The following SGCD variants were observed in gnomAD, a reference collection of about 807,000 sequenced individuals.
SGCD encodes the protein sarcoglycan delta, also known as delta-sarcoglycan.
SGCD carries 18 observed loss-of-function variants against 36.6 expected under a neutral mutation model. The observed-to-expected ratio is 0.49, with a 90% CI of 0.34 to 0.73. The LOEUF is 0.73. Among genes scored for constraint, SGCD ranks in the 30% least tolerant of loss-of-function variants. The pLI is 0.01. For synonymous variants in SGCD, 133 were observed against 130.6 expected (o/e 1.02, Z -0.12); for missense variants, 387 against 346.7 (o/e 1.12, Z -0.92).
chr5:155,988,893 T>A (rs1485686964), intron 1 of SGCD, among the ~76,000 whole-genome samples: 2 of 152,194 alleles, frequency 1.3e-5, no homozygotes, highest in South Asian at 4.1e-4. Context: ...ATAACTATTA[T>A]AGTTTTTGAA....
intron 3 of SGCD, among the ~76,000 whole-genome samples, chr5:156,230,368 G>A (rs1325826517): frequency 6.6e-6 from 1 of 152,084 alleles, no homozygotes; most frequent in Non-Finnish European, 1.5e-5. Context: ...TGTCCCGCGG[G>A]GTATTCCCTC....
At chr5:156,428,133 T>A (rs1773756843) in intron 3 of SGCD, among the ~76,000 whole-genome samples, 1 of 152,206 alleles carries the variant, frequency 6.6e-6, no homozygotes, top group South Asian at 2.1e-4. Flanking sequence ...TTTTAATGTC[T>A]GGTAGAATTC....
chr5:155,903,296 T>C (rs1394319314), intron 1 of SGCD, among the ~76,000 whole-genome samples: 1 of 152,208 alleles, frequency 6.6e-6, no homozygotes, highest in Non-Finnish European at 1.5e-5. Flanking sequence ...CTTCCATGTA[T>C]TCTTGTACAA....
chr5:155,831,555 T>G, the SGCD span, among the ~76,000 whole-genome samples: 1 of 152,390 alleles, frequency 6.6e-6, no homozygotes, highest in South Asian at 2.1e-4. Context: ...AATTGCTTTG[T>G]GCCTTCCATT....
chr5:156,039,955 T>C (rs1759594809), intron 1 of SGCD, among the ~76,000 whole-genome samples: 1 of 152,094 alleles, frequency 6.6e-6, no homozygotes, highest in African/African-American at 2.4e-5. Flanking sequence ...TAAGTTACAG[T>C]GAGTGTCAGG....
At position 156,568,588 on chromosome 5, in the gene SGCD, A is replaced by G. The variant is rs563939605; in HGVS notation, c.295-20643A>G. The stretch of plus-strand genomic sequence containing the variant: ...CTAGCAAGTCACTCAGAGTGGCTAC[A>G]ACAGAATGGCATACTGTCCACACAC... On this transcript the variant is annotated intron_variant, in intron 4 of 8. Coordinates refer to ENST00000337851, the MANE Select transcript of SGCD (RefSeq NM_000337.6). Among the ~76,000 whole-genome samples, 7 of 152,336 alleles carry G rather than the reference A, an allele frequency of 4.6e-5. No individual in the cohort carries two copies. In the East Asian group the frequency reaches 1.4e-3, roughly 29 times the overall value.
At chr5:156,105,210 C>T (rs1761615995) in intron 1 of SGCD, among the ~76,000 whole-genome samples, 1 of 152,028 alleles carries the variant, frequency 6.6e-6, no homozygotes, top group Admixed American at 6.6e-5. Flanking sequence ...GTGTTTTAAA[C>T]AAAGAAGGAA....
At chr5:156,449,723 G>A (rs1753918951) in intron 3 of SGCD, among the ~76,000 whole-genome samples, 1 of 145,880 alleles carries the variant, frequency 6.9e-6, no homozygotes, top group East Asian at 2.0e-4. Flanking sequence ...ATAGCAACAG[G>A]CACCTGTAAT....
At chr5:156,225,032 C>A (rs1043100935) in intron 3 of SGCD, among the ~76,000 whole-genome samples, 1 of 152,030 alleles carries the variant, frequency 6.6e-6, no homozygotes, top group Non-Finnish European at 1.5e-5. Flanking sequence ...ACTCTTTGTA[C>A]CTATTTATCA....
intron 1 of SGCD, among the ~76,000 whole-genome samples, chr5:156,022,808 G>A (rs1363157374): frequency 6.6e-6 from 1 of 151,866 alleles, no homozygotes. Flanking sequence ...TAAAAAGATA[G>A]GAGTAGAACC....
At chr5:156,620,910 T>C (rs1762221513) in intron 6 of SGCD, among the ~76,000 whole-genome samples, 1 of 152,192 alleles carries the variant, frequency 6.6e-6, no homozygotes, top group African/African-American at 2.4e-5. Context: ...AATGGGAATA[T>C]TTAATATTAT....
chr5:156,248,710 CTA>C (rs1364368730), intron 3 of SGCD, among the ~76,000 whole-genome samples: 2 of 152,114 alleles, frequency 1.3e-5, no homozygotes, highest in Non-Finnish European at 2.9e-5. Context: ...ACTCTGGCCA[CTA>C]TGTGGAAGCT....
intron 4 of SGCD, among the ~76,000 whole-genome samples, chr5:156,555,116 A>G (rs1758968562): frequency 6.6e-6 from 1 of 152,088 alleles, no homozygotes; most frequent in Non-Finnish European, 1.5e-5. Context: ...GTTTGTATAT[A>G]TTTTGGACAC....
chr5:156,753,657 T>G (rs1179843865), intron 7 of SGCD, among the ~76,000 whole-genome samples: 2 of 151,960 alleles, frequency 1.3e-5, no homozygotes, highest in Non-Finnish European at 2.9e-5. Context: ...TGGTGGAAGG[T>G]TAAGGGGAAG....
At chr5:156,194,908 C>T (rs778295050) in intron 3 of SGCD, among the ~76,000 whole-genome samples, 2 of 151,904 alleles carry the variant, frequency 1.3e-5, no homozygotes, top group Non-Finnish European at 2.9e-5. Flanking sequence ...GTATATAATA[C>T]ATATTGAACA....
intron 3 of SGCD, among the ~76,000 whole-genome samples, chr5:156,462,514 C>T (rs1181592858): frequency 6.6e-6 from 1 of 152,094 alleles, no homozygotes; most frequent in Non-Finnish European, 1.5e-5. Flanking sequence ...TGGGTAGATA[C>T]AATTTTGATC....
chr5:156,191,869 T>C (rs1763901644), intron 3 of SGCD, among the ~76,000 whole-genome samples: 1 of 152,172 alleles, frequency 6.6e-6, no homozygotes, highest in Non-Finnish European at 1.5e-5. Context: ...AGGTTTGGGA[T>C]TCCCTAGTTA....
At chr5:155,954,858 G>A (rs1757618952) in intron 1 of SGCD, among the ~76,000 whole-genome samples, 1 of 152,108 alleles carries the variant, frequency 6.6e-6, no homozygotes, top group Admixed American at 6.6e-5. Flanking sequence ...GCTGGTCTAC[G>A]AGAGAGCTCA....
intron 5 of SGCD, among the ~76,000 whole-genome samples, chr5:156,593,023 A>G (rs992538240): frequency 2.0e-5 from 3 of 152,160 alleles, no homozygotes; most frequent in African/African-American, 7.2e-5. Context: ...CTACACTCAC[A>G]GCACTTTACC....
Sources: gnomAD v4.1 joint callset for allele counts (sites outside exome capture counted in the v4.1 genomes callset) on GRCh38, gnomAD v4.1.1 for gene constraint, MANE v1.5 for transcripts, NCBI Gene and HGNC (gene_info 2026-07-23, HGNC 2026-07-21) for gene names.